Variants in WIPF1 observed in about 807,000 individuals in gnomAD.
The protein encoded by WIPF1 is WAS/WASL-interacting protein family member 1.
Under a neutral mutation model 35.4 loss-of-function variants are expected in WIPF1, and 13 were observed. The observed-to-expected ratio is 0.37, with a 90% CI of 0.24 to 0.58. WIPF1 has a LOEUF of 0.58. Among genes scored for constraint, WIPF1 ranks in the 20% least tolerant of loss-of-function variants. The probability of loss-of-function intolerance (pLI) is 0.74; values close to 1 mark genes in which losing one functional copy is unlikely to be tolerated. For missense variants in WIPF1, 591 were observed against 667.0 expected, an observed-to-expected ratio of 0.89 and a Z score of 1.25; for synonymous variants, 267 against 266.3, an observed-to-expected ratio of 1.00 and a Z score of -0.02.
intron 1 of WIPF1, among the ~76,000 whole-genome samples, chr2:174,680,527 T>C (rs1043816147): frequency 6.6e-6 from 1 of 152,216 alleles, no homozygotes; most frequent in Non-Finnish European, 1.5e-5. Flanking sequence ...GAAGGGGTTA[T>C]GGCAACAAAT....
intron 3 of WIPF1, among the ~76,000 whole-genome samples, chr2:174,578,668 T>C (rs926740058): frequency 2.6e-5 from 4 of 152,248 alleles, no homozygotes; most frequent in Admixed American, 6.5e-5. Flanking sequence ...ATTTCCATTT[T>C]CTGGATTAGG....
intron 1 of WIPF1, among the ~76,000 whole-genome samples, chr2:174,639,485 C>T (rs1687254093): frequency 6.6e-6 from 1 of 152,104 alleles, no homozygotes; most frequent in African/African-American, 2.4e-5. Flanking sequence ...AACTCCTGGG[C>T]TCCTCCCATC....
intron 1 of WIPF1, among the ~76,000 whole-genome samples, chr2:174,613,370 T>C (rs532472772): frequency 1.7e-4 from 26 of 152,202 alleles, no homozygotes; most frequent in Middle Eastern, 3.2e-3. Flanking sequence ...GCAAACTTGA[T>C]GATAAAAACC....
rs1486308948 is a variant in WIPF1, at chr2:174,560,014, C to T, written c.*2533G>A. 6.6e-6 allele frequency: 1 copy of T among 152,486 alleles called. No homozygotes were observed. Among genetic ancestry groups the T allele is most frequent in the Non-Finnish European group, 1.5e-5 (1 of 68,002 alleles). The allele number at this position is 152,486 out of a possible 1,614,324, so 9.4% of individuals were successfully genotyped here. A position where few individuals can be genotyped will look rare whatever the true frequency, so the allele number is the denominator to read the frequency against. ...AAATACTGAACACTGAGTTTTAATA[C>T]TGTAATACATTTCAATATAAAATAA... On this transcript the variant is annotated 3_prime_UTR_variant, in exon 8 of 8. Transcript: ENST00000679041.
intron 1 of WIPF1, among the ~76,000 whole-genome samples, chr2:174,612,195 C>T (rs567282492): frequency 6.6e-6 from 1 of 152,314 alleles, no homozygotes; most frequent in South Asian, 2.1e-4. Flanking sequence ...CCATACCCCA[C>T]CTATTTTTAA....
chr2:174,605,733 C>T (rs1686140303), intron 1 of WIPF1, among the ~76,000 whole-genome samples: 1 of 151,784 alleles, frequency 6.6e-6, no homozygotes, highest in African/African-American at 2.4e-5. Context: ...ACAAATGAAA[C>T]AAAATTGATC....
rs539010141 is a variant in WIPF1 at position 174,676,887 on chromosome 2, G to A, written c.-39+5887C>T. Among the ~76,000 whole-genome samples, 16 of 152,220 alleles carry A rather than the reference G, an allele frequency of 1.1e-4. No individual in the cohort carries two copies. The South Asian group carries it at 2.9e-3, about 28-fold the overall frequency. On this transcript the variant is annotated intron_variant, in intron 1 of 8. Coordinates refer to the WIPF1 transcript ENST00000272746. The stretch of plus-strand genomic sequence containing the variant: ...TTTTAAAATGTCACATTGTGGCCAG[G>A]TATAATGGCTCACACCTGTAATCCC...
At chr2:174,667,680 CT>C (rs1687921192) in intron 1 of WIPF1, among the ~76,000 whole-genome samples, 1 of 152,206 alleles carries the variant, frequency 6.6e-6, no homozygotes, top group South Asian at 2.1e-4. Context: ...CCACCTCAGC[CT>C]TTCCGGGAGG....
At chr2:174,670,381 C>T (rs999647471) in intron 1 of WIPF1, among the ~76,000 whole-genome samples, 12 of 152,228 alleles carry the variant, frequency 7.9e-5, no homozygotes, top group African/African-American at 2.9e-4. Flanking sequence ...CTGCTATGCT[C>T]TCTTGGGCAT....
chr2:174,593,672 C>T (rs957297548), intron 1 of WIPF1, among the ~76,000 whole-genome samples: 5 of 152,296 alleles, frequency 3.3e-5, no homozygotes, highest in East Asian at 1.9e-4. Flanking sequence ...AATTGATGCT[C>T]GCAGTAAACC....
intron 1 of WIPF1, among the ~76,000 whole-genome samples, chr2:174,610,039 C>T (rs1428393777): frequency 6.6e-6 from 1 of 152,202 alleles, no homozygotes; most frequent in Non-Finnish European, 1.5e-5. Flanking sequence ...AAGAACTTCC[C>T]TCCTCTCATT....
intron 1 of WIPF1, among the ~76,000 whole-genome samples, chr2:174,672,400 G>C (rs1416902913): frequency 6.6e-6 from 1 of 152,164 alleles, no homozygotes; most frequent in African/African-American, 2.4e-5. Context: ...CGGTGCAATA[G>C]AAAGACTTCA....
At chr2:174,617,843 G>T (rs1217343565) in intron 1 of WIPF1, among the ~76,000 whole-genome samples, 1 of 152,222 alleles carries the variant, frequency 6.6e-6, no homozygotes, top group Non-Finnish European at 1.5e-5. Flanking sequence ...AGTGAATAAA[G>T]ATATCAGAAA....
intron 1 of WIPF1, among the ~76,000 whole-genome samples, chr2:174,635,820 A>G (rs1687171689): frequency 6.6e-6 from 1 of 152,208 alleles, no homozygotes; most frequent in African/African-American, 2.4e-5. Context: ...ATATTACCCT[A>G]TAATTCCCCG....
At chr2:174,672,205 ATG>A (rs1253328533) in intron 1 of WIPF1, among the ~76,000 whole-genome samples, 1 of 152,244 alleles carries the variant, frequency 6.6e-6, no homozygotes, top group Non-Finnish European at 1.5e-5. Context: ...CCAATAATAG[ATG>A]GTGAGGACAG....
At chr2:174,682,515 C>T (rs1688274993) in intron 1 of WIPF1, among the ~76,000 whole-genome samples, 1 of 152,130 alleles carries the variant, frequency 6.6e-6, no homozygotes, top group Admixed American at 6.5e-5. Context: ...AGGCTGTCCA[C>T]GGCCCCTTCC....
rs1422055262 is a variant in WIPF1 at position 174,590,568 on chromosome 2, G to A, written c.-38-4957C>T. 6.6e-6 allele frequency among the ~76,000 whole-genome samples: 1 copy of A among 152,152 alleles called. No homozygotes were observed. Among genetic ancestry groups the A allele is most frequent in the Non-Finnish European group, 1.5e-5 (1 of 68,038 alleles). ...AGGAAAGGCAGCTGATTCGGGTGCA[G>A]GAGAGACGCAAGAAGGGAAGGGACT... On this transcript the variant is annotated intron_variant, in intron 1 of 7. Transcript: ENST00000679041. The surrounding 1 kb of genome is among the most constrained non-coding windows in gnomAD (Gnocchi z 4.6).
chr2:174,579,726 T>C (rs1017730012), intron 3 of WIPF1, among the ~76,000 whole-genome samples: 1 of 152,238 alleles, frequency 6.6e-6, no homozygotes, highest in African/African-American at 2.4e-5. Context: ...AGGTCTAGAC[T>C]GTCCAGCCTC....
chr2:174,592,838 TC>T (rs1685665175), intron 1 of WIPF1, among the ~76,000 whole-genome samples: 2 of 152,132 alleles, frequency 1.3e-5, no homozygotes, highest in Non-Finnish European at 2.9e-5. Flanking sequence ...ACTCCTGACC[TC>T]ACGTGATCCA....
Sources: gnomAD v4.1 joint callset for allele counts (sites outside exome capture counted in the v4.1 genomes callset) on GRCh38, gnomAD v4.1.1 for gene constraint, Gnocchi (gnomAD v3.1) non-coding constraint, MANE v1.5 for transcripts, NCBI Gene and HGNC (gene_info 2026-07-23, HGNC 2026-07-21) for gene names.